FRMD8: variants seen among roughly 807,000 people sequenced by gnomAD.
FRMD8 encodes FERM domain-containing protein 8.
In FRMD8, 37 loss-of-function variants were observed where a neutral mutation model predicts 54.2. The ratio of observed to expected loss-of-function variants is 0.68; its 90% CI spans 0.53 to 0.90. The LOEUF is 0.90. Among genes scored for constraint, FRMD8 ranks in the 40% least tolerant of loss-of-function variants. The pLI, the probability that FRMD8 is intolerant of heterozygous loss-of-function variation, is 0.00. For missense variants in FRMD8, 585 were observed against 653.7 expected (o/e 0.89, Z 1.15); for synonymous variants, 246 against 286.9 (o/e 0.86, Z 1.44).
At chr11:65,395,669 T>C (rs1176134990) in intron 6 of FRMD8, among the ~76,000 whole-genome samples, 3 of 152,246 alleles carry the variant, frequency 2.0e-5, no homozygotes, top group Admixed American at 6.5e-5. Context: ...CTCCTTCATG[T>C]GGGGCGGGGG....
At position 65,409,751 on chromosome 11, in the gene FRMD8, G is replaced by GT. The variant is rs1856287819; in HGVS notation, c.1277-1490dup. 2.0e-5 allele frequency among the ~76,000 whole-genome samples: 3 copies of GT among 151,112 alleles called. No individual in the cohort carries two copies. In the South Asian group the frequency reaches 6.3e-4, roughly 32 times the overall value. ...ACTGCAGTCCAGCCTGGGTGACAGA[G>GT]TGAGACCCTGTCGCAAAAAAAAAAA... is the stretch of plus-strand genomic sequence containing the variant. On this transcript the variant is annotated intron_variant, in intron 10 of 10. Coordinates refer to ENST00000317568, the MANE Select transcript of FRMD8 (RefSeq NM_031904.5).
chr11:65,377,491 T>G, the FRMD8 span: 1 of 871,028 alleles, frequency 1.1e-6, no homozygotes. Flanking sequence ...AAACCACCCT[T>G]TCCCAGGGTG....
At chr11:65,401,828 T>C (rs568539519) in intron 9 of FRMD8, among the ~76,000 whole-genome samples, 14 of 150,018 alleles carry the variant, frequency 9.3e-5, no homozygotes, top group Middle Eastern at 3.4e-3. Context: ...AATTTTCTTT[T>C]TTTTTTTTTT....
chr11:65,403,424 C>G (rs1442950667), intron 9 of FRMD8, among the ~76,000 whole-genome samples: 1 of 151,404 alleles, frequency 6.6e-6, no homozygotes, highest in Non-Finnish European at 1.5e-5. Flanking sequence ...CTCAGGTGAT[C>G]CACCCGCCTC....
chr11:65,405,029 C>T lies in FRMD8; in HGVS notation c.1237C>T (p.Arg413Trp), dbSNP rs771146933. The T allele has an allele frequency of 1.2e-5, 19 of 1,613,382 alleles. No homozygotes were observed. Among genetic ancestry groups the T allele is most frequent in the South Asian group, 2.2e-5 (2 of 91,088 alleles). Reference sequence around the variant, plus strand: ...GAGGCAGGGCAGTGTGGTGTCCAGCCGGATCCAGCATCTCTCCACCATCGA... The same window carrying T: ...GAGGCAGGGCAGTGTGGTGTCCAGCTGGATCCAGCATCTCTCCACCATCGA... Reference protein sequence around the residue: ...LRRQGSVVSSRIQHLSTIDYV... With the variant: ...LRRQGSVVSSWIQHLSTIDYV... The change falls in exon 10 of 11, where the codon CGG (arginine) becomes TGG (tryptophan). Residue 413 changes from arginine to tryptophan, a missense_variant. Transcript: ENST00000317568.
At chr11:65,402,517 A>G (rs1856105236) in intron 9 of FRMD8, among the ~76,000 whole-genome samples, 1 of 152,128 alleles carries the variant, frequency 6.6e-6, no homozygotes, top group Non-Finnish European at 1.5e-5. Context: ...AACCTTTATA[A>G]TAAGTCTTGA....
At chr11:65,382,077 G>T, upstream of FRMD8, 1 of 880,138 alleles carries the variant, frequency 1.1e-6, no homozygotes, top group Non-Finnish European at 1.9e-6. This position sits in a 1 kb window ranked among gnomAD's most constrained non-coding sequence, Gnocchi z 4.4. Flanking sequence ...GGTGAGAATT[G>T]GCCTGGTGCC....
At chr11:65,373,406 C>T in the FRMD8 span, among the ~76,000 whole-genome samples, 4 of 152,172 alleles carry the variant, frequency 2.6e-5, no homozygotes, top group Admixed American at 2.0e-4. Context: ...TTTCTCAGCC[C>T]GAAAGGGCAG....
At chr11:65,379,308 G>C in the FRMD8 span, 1 of 1,565,672 alleles carries the variant, frequency 6.4e-7, no homozygotes, top group East Asian at 2.2e-5. Flanking sequence ...CCAGGGCAGG[G>C]TGGGAGAGGA....
the FRMD8 span, among the ~76,000 whole-genome samples, chr11:65,370,036 A>AAAATAAAT: frequency 6.6e-6 from 1 of 151,244 alleles, no homozygotes; most frequent in African/African-American, 2.4e-5. Flanking sequence ...TGTCTCCAAA[A>AAAATAAAT]AAATAAATAA....
chr11:65,381,995 A>G (rs1855591038), upstream of FRMD8: 2 of 1,536,612 alleles, frequency 1.3e-6, no homozygotes, highest in Non-Finnish European at 1.8e-6. Context: ...GAGGAGACAG[A>G]GTTGAATTCC....
chr11:65,370,370 G>A, the FRMD8 span, among the ~76,000 whole-genome samples: 1 of 151,346 alleles, frequency 6.6e-6, no homozygotes, highest in Non-Finnish European at 1.5e-5. Flanking sequence ...AAGCCACTGA[G>A]GAGCAGGGAG....
At chr11:65,408,866 C>T (rs1359974411) in intron 10 of FRMD8, among the ~76,000 whole-genome samples, 1 of 151,864 alleles carries the variant, frequency 6.6e-6, no homozygotes, top group Non-Finnish European at 1.5e-5. Flanking sequence ...CCACCTCAGC[C>T]TCCCAAAGTG....
chr11:65,388,489 C>T (rs1292301833), intron 2 of FRMD8, among the ~76,000 whole-genome samples: 4 of 152,178 alleles, frequency 2.6e-5, no homozygotes, highest in African/African-American at 9.7e-5. Flanking sequence ...ACAGATGAGG[C>T]AACTGACAAC....
At chr11:65,381,350 C>T in the FRMD8 span, 2 of 153,676 alleles carry the variant, frequency 1.3e-5, no homozygotes, top group African/African-American at 4.8e-5. Context: ...AGCCTGGTCT[C>T]GAAATCTTGA....
At chr11:65,369,620 T>C in the FRMD8 span, among the ~76,000 whole-genome samples, 422 of 150,872 alleles carry the variant, frequency 2.8e-3, 1 homozygote, top group African/African-American at 9.9e-3. Flanking sequence ...ATCCCAGCTA[T>C]TGAGGAGGCT....
chr11:65,408,060 A>G (rs1590661835), intron 10 of FRMD8, among the ~76,000 whole-genome samples: 2 of 151,374 alleles, frequency 1.3e-5, no homozygotes, highest in Admixed American at 1.3e-4. Context: ...TGTAATTTTT[A>G]GAATAATTGT....
intron 10 of FRMD8, among the ~76,000 whole-genome samples, chr11:65,409,385 C>G (rs866256220): frequency 5.9e-5 from 9 of 152,342 alleles, no homozygotes; most frequent in Middle Eastern, 6.8e-3. Context: ...CCGTGCCCGG[C>G]CGATTGCAAA....
chr11:65,377,239 A>C, the FRMD8 span: 1 of 1,433,114 alleles, frequency 7.0e-7, no homozygotes, highest in East Asian at 2.5e-5. Flanking sequence ...TGGGATGGCC[A>C]GGATGTCTGC....
Sources: gnomAD v4.1 joint callset for allele counts (sites outside exome capture counted in the v4.1 genomes callset) on GRCh38, gnomAD v4.1.1 for gene constraint, Gnocchi (gnomAD v3.1) non-coding constraint, MANE v1.5 for transcripts, NCBI Gene and HGNC (gene_info 2026-07-23, HGNC 2026-07-21) for gene names.